Variants in CLEC2A observed in about 807,000 individuals in gnomAD.
CLEC2A encodes the protein keratinocyte-associated C-type lectin.
A neutral mutation model predicts 18.6 loss-of-function variants in CLEC2A; 19 were observed. That is an observed-to-expected ratio of 1.02 (90% CI 0.71 to 1.50). CLEC2A has a LOEUF of 1.50. Among genes scored for constraint, CLEC2A ranks in the 40% most tolerant of loss-of-function variants. The pLI, the probability that CLEC2A is intolerant of heterozygous loss-of-function variation, is 0.00. For missense variants in CLEC2A, 190 were observed against 207.9 expected (o/e 0.91, Z 0.53); for synonymous variants, 74 against 64.0 (o/e 1.16, Z -0.75).
chr12:9,911,517 C>T (rs112347883), downstream of CLEC2A, among the ~76,000 whole-genome samples: 227 of 152,326 alleles, frequency 1.5e-3, no homozygotes, highest in African/African-American at 5.3e-3. Context: ...AACCTTAAAA[C>T]ATTTAGCAAA....
At chr12:9,913,021 A>G (rs1484967764), downstream of CLEC2A, among the ~76,000 whole-genome samples, 6 of 152,224 alleles carry the variant, frequency 3.9e-5, no homozygotes, top group Admixed American at 6.5e-5. Flanking sequence ...ACAACCTTTG[A>G]ATGCCCTATA....
At chr12:9,923,821 G>C (rs532963221) in intron 2 of CLEC2A, among the ~76,000 whole-genome samples, 46 of 152,136 alleles carry the variant, frequency 3.0e-4, no homozygotes, top group Admixed American at 2.0e-3. Flanking sequence ...AGCAAACTAT[G>C]GCAAGGACAG....
chr12:9,908,675 T>G (rs895165371), downstream of CLEC2A, among the ~76,000 whole-genome samples: 8 of 152,218 alleles, frequency 5.3e-5, no homozygotes, highest in African/African-American at 7.2e-5. Context: ...TTTTTATTTT[T>G]CCCATGCGGG....
chr12:9,916,200 A>T (rs1014523635), intron 4 of CLEC2A, among the ~76,000 whole-genome samples: 12 of 152,058 alleles, frequency 7.9e-5, no homozygotes, highest in African/African-American at 2.9e-4. Context: ...CCACCCAGGA[A>T]ATGCTTACAG....
chr12:9,886,300 A>AAAT, the CLEC2A span, among the ~76,000 whole-genome samples: 1 of 152,218 alleles, frequency 6.6e-6, no homozygotes, highest in Non-Finnish European at 1.5e-5. Context: ...TATTGACCAT[A>AAAT]AATATTTATA....
downstream of CLEC2A, among the ~76,000 whole-genome samples, chr12:9,911,181 A>G (rs953753155): frequency 5.3e-5 from 8 of 152,086 alleles, no homozygotes; most frequent in African/African-American, 1.4e-4. Context: ...GATGGGGGAG[A>G]AGGAGGGAAG....
chr12:9,888,163 A>G, the CLEC2A span, among the ~76,000 whole-genome samples: 7 of 151,966 alleles, frequency 4.6e-5, no homozygotes, highest in East Asian at 1.2e-3. Context: ...CAAAAATGTA[A>G]CATCATACAT....
At chr12:9,897,314 T>C (rs1862767604), downstream of CLEC2A, among the ~76,000 whole-genome samples, 1 of 152,128 alleles carries the variant, frequency 6.6e-6, no homozygotes, top group Non-Finnish European at 1.5e-5. Context: ...CCCTGGAAAC[T>C]AGCATGCTAT....
intron 3 of CLEC2A, among the ~76,000 whole-genome samples, chr12:9,919,342 T>TCTC (rs1863126060): frequency 6.6e-6 from 1 of 152,090 alleles, no homozygotes; most frequent in Admixed American, 6.6e-5. Flanking sequence ...GGATGGAGGG[T>TCTC]CTCTGCTGTG....
At position 9,916,814 on chromosome 12, in the gene CLEC2A, A is replaced by G; in HGVS notation, c.307-11T>C. On this transcript the variant is annotated splice_polypyrimidine_tract_variant and intron_variant, in intron 3 of 4. Transcript: ENST00000455827. ...CCTCTTCAAAAATTCCTTTCACAAA[A>G]CAAAGGGAATCAGCGATTACTTAAT... is the stretch of plus-strand genomic sequence containing the variant. 1 of 1,502,306 alleles carries G rather than the reference A, an allele frequency of 6.7e-7. No individual in the cohort carries two copies. Among genetic ancestry groups the G allele is most frequent in the Non-Finnish European group, 9.1e-7 (1 of 1,101,774 alleles). The allele number at this position is 1,502,306 out of a possible 1,614,324, so 93.1% of individuals were successfully genotyped here. A position where few individuals can be genotyped will look rare whatever the true frequency, so the allele number is the denominator to read the frequency against.
chr12:9,897,090 C>G (rs1862765213), downstream of CLEC2A, among the ~76,000 whole-genome samples: 2 of 152,048 alleles, frequency 1.3e-5, no homozygotes, highest in Non-Finnish European at 2.9e-5. Context: ...GAACTCCTGA[C>G]CTCAAGTGAT....
the CLEC2A span, among the ~76,000 whole-genome samples, chr12:9,883,642 A>G: frequency 1.1e-4 from 17 of 152,236 alleles, no homozygotes; most frequent in African/African-American, 3.9e-4. Flanking sequence ...ACGATTTTCA[A>G]TTAAGTAGAA....
chr12:9,881,627 G>A, the CLEC2A span: 1 of 1,535,450 alleles, frequency 6.5e-7, no homozygotes, highest in Non-Finnish European at 8.7e-7. Flanking sequence ...ATGACGCTGA[G>A]TTTCAAGAAT....
chr12:9,893,616 TTC>T, the CLEC2A span: 3 of 526,818 alleles, frequency 5.7e-6, no homozygotes, highest in Non-Finnish European at 9.5e-6. Flanking sequence ...TCACTTTCCA[TTC>T]TTTTTTCCTT....
chr12:9,885,952 G>C, the CLEC2A span, among the ~76,000 whole-genome samples: 1 of 152,038 alleles, frequency 6.6e-6, no homozygotes, highest in East Asian at 1.9e-4. Flanking sequence ...CTTTAAAAAT[G>C]TTCCTAAAAT....
At chr12:9,922,938 A>T (rs1181055353) in intron 2 of CLEC2A, among the ~76,000 whole-genome samples, 3 of 152,158 alleles carry the variant, frequency 2.0e-5, no homozygotes, top group African/African-American at 7.2e-5. Context: ...TATTATTATT[A>T]TTTTGTAGTG....
the CLEC2A span, chr12:9,888,833 G>C: frequency 1.8e-6 from 2 of 1,109,942 alleles, no homozygotes; most frequent in African/African-American, 3.1e-5. Flanking sequence ...ATTTAGTTTT[G>C]GCTTCCCTCT....
intron 4 of CLEC2A, 24 bp from the exon 5 acceptor site, chr12:9,913,704 G>T: frequency 7.0e-7 from 1 of 1,424,352 alleles, no homozygotes; most frequent in Non-Finnish European, 9.5e-7. Context: ...CTCTAAATCA[G>T]TCTGGGAACC....
rs558770817 is a variant in CLEC2A at position 9,931,819 on chromosome 12, A to G, written c.55+456T>C. On this transcript the variant is annotated intron_variant, in intron 1 of 4. Transcript: ENST00000455827. The stretch of plus-strand genomic sequence containing the variant: ...GTGTTTGTATGTGTACCTTGTTTTT[A>G]TTTATTGGTTTGTTTATGTTTCAAT... Among the ~76,000 whole-genome samples, 13 of 152,114 alleles carry G rather than the reference A, an allele frequency of 8.5e-5. No individual in the cohort carries two copies. The South Asian group carries it at 1.9e-3, about 22-fold the overall frequency.
Sources: allele counts gnomAD v4.1 joint callset (sites outside exome capture counted in the v4.1 genomes callset), GRCh38; gene constraint gnomAD v4.1.1; transcripts MANE v1.5; gene names NCBI Gene and HGNC (gene_info 2026-07-23, HGNC 2026-07-21).